The following CCDC186 variants were observed in gnomAD, a reference collection of about 807,000 sequenced individuals.
The protein encoded by CCDC186 is coiled-coil domain-containing protein 186.
In CCDC186, 49 loss-of-function variants were observed where a neutral mutation model predicts 113.7. That is an observed-to-expected ratio of 0.43 (90% CI 0.34 to 0.55). The LOEUF (loss-of-function observed/expected upper bound fraction) is 0.55, where lower values mean the gene tolerates loss of function less well. Ranked by LOEUF, CCDC186 falls within the 20% of genes least tolerant of loss-of-function variation. The pLI, the probability that CCDC186 is intolerant of heterozygous loss-of-function variation, is 0.02. For synonymous variants in CCDC186, 355 were observed against 345.8 expected (o/e 1.03, Z -0.30); for missense variants, 890 against 1,011.1 (o/e 0.88, Z 1.62).
At chr10:114,140,796 T>C (rs2031443249) in intron 6 of CCDC186, among the ~76,000 whole-genome samples, 1 of 152,172 alleles carries the variant, frequency 6.6e-6, no homozygotes, top group African/African-American at 2.4e-5. Context: ...ATCATACTCA[T>C]GCTTTTGTCT....
intron 4 of CCDC186, among the ~76,000 whole-genome samples, chr10:114,146,095 A>G (rs2031632250): frequency 1.3e-5 from 2 of 152,104 alleles, no homozygotes; most frequent in African/African-American, 4.8e-5. Flanking sequence ...CATGAACCCT[A>G]TCAATAAGCT....
In CCDC186 at chr10:114,131,175, G is replaced by T. The variant is rs34179750; in HGVS notation, c.2073C>A (p.Ile691=). The change falls in exon 12 of 16, where the codon ATC becomes ATA. Residue 691 remains isoleucine (I), a synonymous_variant. Coordinates refer to ENST00000369287, the MANE Select transcript of CCDC186 (RefSeq NM_018017.4). ...VTQRRKHASS[I]KDLTKQLQQA... Reference sequence around the variant, plus strand: ...GCTGAAGTTGTTTGGTGAGATCCTTGATACTAGAGGCATGTTTACGTCTCT... The same window carrying T: ...GCTGAAGTTGTTTGGTGAGATCCTTTATACTAGAGGCATGTTTACGTCTCT... 3,085 of 1,566,474 alleles carry T rather than the reference G, an allele frequency of 2.0e-3. 49 individuals carry two copies. The African/African-American group carries it at 0.039, about 20-fold the overall frequency.
At chr10:114,173,931 G>T in intron 1 of CCDC186, 84 bp downstream of exon 1, 1 of 448,120 alleles carries the variant, frequency 2.2e-6, no homozygotes, top group Non-Finnish European at 4.5e-6. Context: ...CACGGAACGT[G>T]CAGGAAGGAG....
At chr10:114,167,099 C>T (rs889716169) in intron 1 of CCDC186, among the ~76,000 whole-genome samples, 1 of 149,888 alleles carries the variant, frequency 6.7e-6, no homozygotes, top group Non-Finnish European at 1.5e-5. Context: ...CGGCTCACTG[C>T]AACCTCTGAC....
intron 13 of CCDC186, among the ~76,000 whole-genome samples, chr10:114,128,689 C>A (rs765598116): frequency 1.1e-4 from 17 of 151,892 alleles, no homozygotes; most frequent in Non-Finnish European, 1.9e-4. Context: ...TCTTGGCATT[C>A]CAAAAAAAGA....
chr10:114,174,142 C>T lies in CCDC186; in HGVS notation c.-189G>A. ...GAAAAGACCGCGGTGAGAAACACAG[C>T]CGACGCCTCACTCAGCGGCCGTTTC... On this transcript the variant is annotated 5_prime_UTR_variant, in exon 1 of 16. Coordinates refer to ENST00000369287, the MANE Select transcript of CCDC186 (RefSeq NM_018017.4). 2.1e-6 allele frequency: 1 copy of T among 471,182 alleles called. No individual in the cohort carries two copies. Among genetic ancestry groups the T allele is most frequent in the Non-Finnish European group, 4.4e-6 (1 of 226,478 alleles). 29.2% of individuals were successfully genotyped at this position (471,182 alleles called of 1,614,324 possible).
Position 114,149,806 on chromosome 10 carries a change from A to C in CCDC186, c.888+1286T>G, listed in dbSNP as rs1314303923. Among the ~76,000 whole-genome samples, 248 of 92,120 alleles carry C rather than the reference A, an allele frequency of 2.7e-3. 2 individuals are homozygous for C. Among genetic ancestry groups the C allele is most frequent in the African/African-American group, 0.011 (234 of 21,046 alleles). 60.4% of individuals were successfully genotyped at this position (92,120 alleles called of 152,430 possible). On this transcript the variant is annotated intron_variant, in intron 4 of 15. Transcript: ENST00000369287. ...GAAGGCAGGAAGGAAGGAAGGAAGG[A>C]AGGAAGGAAGGCAGGAAGGCAGGAA... is the stretch of plus-strand genomic sequence containing the variant.
chr10:114,130,078 G>T, intron 12 of CCDC186, 107 bp from the exon 13 acceptor site: 1 of 861,094 alleles, frequency 1.2e-6, no homozygotes, highest in Non-Finnish European at 1.9e-6. Flanking sequence ...ATAGACAAGA[G>T]AAAGTTCTTG....
At chr10:114,151,981 T>C (rs2119810842) in intron 3 of CCDC186, among the ~76,000 whole-genome samples, 1 of 152,292 alleles carries the variant, frequency 6.6e-6, no homozygotes, top group South Asian at 2.1e-4. Context: ...AAAAAGAAAT[T>C]CATGCTAGTT....
chr10:114,121,365 T>C lies in CCDC186; in HGVS notation c.*3778A>G, dbSNP rs2030717886. 6.6e-6 allele frequency: 1 copy of C among 152,176 alleles called. No individual in the cohort carries two copies. Among genetic ancestry groups the C allele is most frequent in the Non-Finnish European group, 1.5e-5 (1 of 68,020 alleles). The allele number at this position is 152,176 out of a possible 1,614,324, so 9.4% of individuals were successfully genotyped here. On this transcript the variant is annotated 3_prime_UTR_variant, in exon 16 of 16. Coordinates refer to ENST00000369287, the MANE Select transcript of CCDC186 (RefSeq NM_018017.4). The stretch of plus-strand genomic sequence containing the variant: ...CACCAGGGTAGCATATATAACAACA[T>C]TTACATTATTAAGGATTCTATTTTT...
intron 13 of CCDC186, among the ~76,000 whole-genome samples, chr10:114,129,407 C>T (rs1004300065): frequency 1.3e-5 from 2 of 151,846 alleles, no homozygotes; most frequent in Non-Finnish European, 2.9e-5. Flanking sequence ...AATCTGAAAC[C>T]CCAGGTCATG....
chr10:114,165,527 AC>A (rs1232235986), intron 1 of CCDC186, among the ~76,000 whole-genome samples: 3 of 151,744 alleles, frequency 2.0e-5, no homozygotes. Context: ...CCCTGTCTCT[AC>A]TAAAAATACA....
chr10:114,159,640 C>CAAAAAAAAAAAAAAAAAAAAAAAAA (rs34339225), intron 2 of CCDC186, among the ~76,000 whole-genome samples: 1 of 55,486 alleles, frequency 1.8e-5, no homozygotes, highest in African/African-American at 6.1e-5. Flanking sequence ...GACTCCGTCT[C>CAAAAAAAAAAAAAAAAAAAAAAAAA]AAAAAAAAAA....
intron 4 of CCDC186, 25 bp downstream of exon 4, chr10:114,151,067 A>G (rs781649655): frequency 6.2e-7 from 1 of 1,605,646 alleles, no homozygotes. Flanking sequence ...TATCAAGTTA[A>G]TAATGACAAC....
intron 1 of CCDC186, among the ~76,000 whole-genome samples, chr10:114,170,009 C>T (rs2032447931): frequency 6.6e-6 from 1 of 152,078 alleles, no homozygotes; most frequent in East Asian, 1.9e-4. Context: ...GCAATCATCC[C>T]ACTTAAGCCT....
chr10:114,125,838 C>A, intron 15 of CCDC186, 48 bp downstream of exon 15: 1 of 1,505,646 alleles, frequency 6.6e-7, no homozygotes, highest in Non-Finnish European at 9.2e-7. Flanking sequence ...AAACAGGCAT[C>A]ATTTTGCCAT....
chr10:114,130,158 C>A (rs1336489196), intron 12 of CCDC186, 187 bp from the exon 13 acceptor site: 2 of 455,770 alleles, frequency 4.4e-6, no homozygotes, highest in Non-Finnish European at 3.9e-6. Context: ...AAGTCAAGTA[C>A]AAAATATACA....
At chr10:114,139,478 G>A (rs1204305069) in intron 6 of CCDC186, among the ~76,000 whole-genome samples, 3 of 150,820 alleles carry the variant, frequency 2.0e-5, no homozygotes, top group Admixed American at 6.6e-5. Context: ...CAGAAGAATC[G>A]CTTGACCCTG....
chr10:114,170,133 ATGT>A (rs758867363), intron 1 of CCDC186, among the ~76,000 whole-genome samples: 52 of 152,184 alleles, frequency 3.4e-4, no homozygotes, highest in Non-Finnish European at 6.2e-4. Context: ...AAACATGAAA[ATGT>A]TGTTTCACAT....
Sources: gnomAD v4.1 joint callset for allele counts (sites outside exome capture counted in the v4.1 genomes callset) on GRCh38, gnomAD v4.1.1 for gene constraint, MANE v1.5 for transcripts, NCBI Gene and HGNC (gene_info 2026-07-23, HGNC 2026-07-21) for gene names.